JMJD7: variants seen among roughly 807,000 people sequenced by gnomAD.
The protein encoded by JMJD7 is jumonji domain containing 7.
Under a neutral mutation model 41.1 loss-of-function variants are expected in JMJD7, and 41 were observed. The observed-to-expected ratio is 1.00, with a 90% CI of 0.78 to 1.30. The LOEUF is 1.30. Among genes scored for constraint, JMJD7 ranks in the 50% most tolerant of loss-of-function variants. The pLI, the probability that JMJD7 is intolerant of heterozygous loss-of-function variation, is 0.00. For synonymous variants in JMJD7, 202 were observed against 177.2 expected (o/e 1.14, Z -1.11); for missense variants, 480 against 420.7 (o/e 1.14, Z -1.23).
At position 41,836,304 on chromosome 15, in the gene JMJD7, A is replaced by G. The variant is rs765953875; in HGVS notation, c.625+61A>G. ...CAGCTGGCCCAAGGGGGAGGGAGGC[A>G]GCAAGAGCCTGGGAGGCCAGTTCCC... On this transcript the variant is annotated intron_variant, in intron 5 of 7. Coordinates refer to ENST00000397299, the MANE Select transcript of JMJD7 (RefSeq NM_001114632.2). 3 of 1,602,954 alleles carry G rather than the reference A, an allele frequency of 1.9e-6. No individual in the cohort carries two copies. In the Admixed American group the frequency reaches 5.1e-5, roughly 27 times the overall value.
rs1329519351 is a variant in JMJD7 at position 41,835,036 on chromosome 15, A to C, written c.285A>C (p.Arg95Ser). 2 of 1,613,836 alleles carry C rather than the reference A, an allele frequency of 1.2e-6. No individual in the cohort carries two copies. The highest frequency in any genetic ancestry group is 3.3e-5 in the Admixed American group (2 of 60,008). ...CAGATGGTTACGCGGATGCCGTGAG[A>C]GGGGATCGCTTCATGATGCCAGCTG... The part of the protein sequence containing the change: ...VTPDGYADAV[R>S]GDRFMMPAER... The change falls in exon 3 of 8, where the codon AGA becomes AGC. Residue 95 changes from arginine (R) to serine (S), a missense_variant. Transcript: ENST00000397299.
chr15:41,828,193 G>A lies in JMJD7; in HGVS notation c.64+5G>A, dbSNP rs763946798. 3 of 1,504,412 alleles carry A rather than the reference G, an allele frequency of 2.0e-6. No individual in the cohort carries two copies. In the South Asian group the frequency reaches 4.1e-5, roughly 20 times the overall value. The allele number at this position is 1,504,412 out of a possible 1,614,324, so 93.2% of individuals were successfully genotyped here. ...AATTCCCGGCCGCTGCAAGGGGTGA[G>A]TGGCTCTCCCACAGGCTGCGGCGAT... On this transcript the variant is annotated splice_donor_5th_base_variant and intron_variant, in intron 1 of 7. Coordinates refer to ENST00000397299, the MANE Select transcript of JMJD7 (RefSeq NM_001114632.2).
intron 1 of JMJD7, among the ~76,000 whole-genome samples, chr15:41,833,389 AATACATATATAT>A (rs1287259406): frequency 1.7e-4 from 18 of 103,502 alleles, no homozygotes; most frequent in African/African-American, 6.6e-4. Context: ...ATGTAGGTGA[AATACATATATAT>A]ATATATATAT....
At position 41,834,741 on chromosome 15, in the gene JMJD7, G is replaced by T. The variant is rs146887953; in HGVS notation, c.66G>T (p.Glu22Asp). The change falls in exon 2 of 8, where the codon GAG (glutamate) becomes GAT (aspartate). Residue 22 changes from glutamate (E) to aspartate (D), a missense_variant and splice_region_variant. Transcript: ENST00000397299. ...ELREFPAAAR[E>D]LCVPLAVPYL... is the part of the protein sequence containing the mutation. ...CCCCTGTCTTCTTCTTTCTCTCAGA[G>T]CTCTGCGTGCCTCTTGCTGTGCCCT... 1,867 of 1,613,882 alleles carry T rather than the reference G, an allele frequency of 1.2e-3. No homozygotes were observed. The highest frequency in any genetic ancestry group is 2.0e-3 in the Middle Eastern group (12 of 6,060).
At chr15:41,833,659 A>G (rs913476737) in intron 1 of JMJD7, among the ~76,000 whole-genome samples, 5 of 151,744 alleles carry the variant, frequency 3.3e-5, no homozygotes, top group African/African-American at 7.2e-5. Flanking sequence ...GGCCTCAGCA[A>G]TCCTCCTGCC....
In JMJD7 at chr15:41,828,164, C is replaced by T. The variant is rs368766169; in HGVS notation, c.40C>T (p.Arg14Ter). 1.3e-6 allele frequency: 2 copies of T among 1,492,572 alleles called. No homozygotes were observed. The highest frequency in any genetic ancestry group is 1.5e-5 in the African/African-American group (1 of 67,482). The allele number at this position is 1,492,572 out of a possible 1,614,324, so 92.5% of individuals were successfully genotyped here. A position where few individuals can be genotyped will look rare whatever the true frequency, so the allele number is the denominator to read the frequency against. Reference sequence around the variant, plus strand: ...TTTGGAAGCCGTGCGGAGCGAGTTACGAGAATTCCCGGCCGCTGCAAGGGG... The same window carrying T: ...TTTGGAAGCCGTGCGGAGCGAGTTATGAGAATTCCCGGCCGCTGCAAGGGG... ...AALEAVRSEL[R>*]EFPAAARELC... The change falls in exon 1 of 8, where the codon CGA becomes TGA. Residue 14 changes from arginine (R) to a stop codon, truncating the protein, a stop_gained. Coordinates refer to ENST00000397299, the MANE Select transcript of JMJD7 (RefSeq NM_001114632.2). LOFTEE classifies it high-confidence loss of function.
chr15:41,833,410 ATATATTTTT>A lies in JMJD7; in HGVS notation c.65-1328_65-1320del, dbSNP rs1236918507. On this transcript the variant is annotated intron_variant, in intron 1 of 7. Coordinates refer to ENST00000397299, the MANE Select transcript of JMJD7 (RefSeq NM_001114632.2). Reference sequence around the variant, plus strand: ...GTGAAATACATATATATATATATATATATATTTTTTTTTTTTTTTTTTTTTTTTGAGATA... The same window carrying A: ...GTGAAATACATATATATATATATATATTTTTTTTTTTTTTTTTTTGAGATA... Among the ~76,000 whole-genome samples the A allele has an allele frequency of 7.6e-4, 30 of 39,726 alleles. No homozygotes were observed. The South Asian group carries it at 0.018, about 24-fold the overall frequency. 26.1% of individuals were successfully genotyped at this position (39,726 alleles called of 152,430 possible). A position where few individuals can be genotyped will look rare whatever the true frequency, so the allele number is the denominator to read the frequency against.
chr15:41,835,718 G>C (rs544037724), intron 4 of JMJD7, 74 bp downstream of exon 4: 9 of 1,541,614 alleles, frequency 5.8e-6, no homozygotes, highest in African/African-American at 2.7e-5. Flanking sequence ...GGCCAGGAGT[G>C]GAGGGATGGC....
intron 1 of JMJD7, chr15:41,829,436 G>A (rs1013039222): frequency 6.6e-6 from 1 of 152,216 alleles, no homozygotes; most frequent in Admixed American, 6.5e-5. Flanking sequence ...TCAGCACCTG[G>A]GAGTAGCTGA....
chr15:41,835,244 C>T (rs368638530), intron 3 of JMJD7, 21 bp downstream of exon 3: 183 of 1,590,794 alleles, frequency 1.2e-4, no homozygotes, highest in Non-Finnish European at 7.5e-5. Context: ...GTGGGGTGGT[C>T]GTGGCCCTGG....
chr15:41,835,146 G>A lies in JMJD7; in HGVS notation c.395G>A (p.Cys132Tyr). The A allele has an allele frequency of 1.2e-6, 2 of 1,607,802 alleles. No individual in the cohort carries two copies. Among genetic ancestry groups the A allele is most frequent in the African/African-American group, 1.3e-5 (1 of 75,054 alleles). Residue 132 changes from cysteine (C) to tyrosine (Y), a missense_variant, in exon 3 of 8, where the codon TGC becomes TAC. Cys to Tyr is a radical substitution (Grantham distance 194). Coordinates refer to ENST00000397299, the MANE Select transcript of JMJD7 (RefSeq NM_001114632.2). ...HPGVLYVQKQ[C>Y]SNLPSELPQL... ...GGAGTCCTCTATGTGCAGAAGCAGTGCTCCAACCTGCCCAGCGAGCTGCCC... is the reference window on the plus strand; with the variant it reads ...GGAGTCCTCTATGTGCAGAAGCAGTACTCCAACCTGCCCAGCGAGCTGCCC...
chr15:41,835,245 G>T lies in JMJD7; in HGVS notation c.472+22G>T, dbSNP rs2241523. On this transcript the variant is annotated intron_variant, in intron 3 of 7. Coordinates refer to ENST00000397299, the MANE Select transcript of JMJD7 (RefSeq NM_001114632.2). Reference sequence around the variant, plus strand: ...CTGGGTGAGTGGAGGTGGGGTGGTCGTGGCCCTGGACAGGGAAGATATGGG... The same window carrying T: ...CTGGGTGAGTGGAGGTGGGGTGGTCTTGGCCCTGGACAGGGAAGATATGGG... The T allele has an allele frequency of 1.2e-5, 19 of 1,588,436 alleles. No homozygotes were observed. The East Asian group carries it at 4.3e-4, about 36-fold the overall frequency.
Position 41,834,982 on chromosome 15 carries a change from C to T in JMJD7, c.231C>T (p.Gly77=). 6.2e-7 allele frequency: 1 copy of T among 1,614,134 alleles called. No individual in the cohort carries two copies. Among genetic ancestry groups the T allele is most frequent in the African/African-American group, 1.3e-5 (1 of 75,066 alleles). Residue 77 remains glycine, a synonymous_variant, in exon 3 of 8, where the codon GGC becomes GGT. Coordinates refer to ENST00000397299, the MANE Select transcript of JMJD7 (RefSeq NM_001114632.2). The part of the protein sequence containing the change: ...WSLPYFRATV[G]STEVSVAVTP... ...TCCATTCCTCTAGAGCCACAGTGGGCTCCACAGAGGTGAGTGTGGCCGTGA... is the reference window on the plus strand; with the variant it reads ...TCCATTCCTCTAGAGCCACAGTGGGTTCCACAGAGGTGAGTGTGGCCGTGA...
intron 1 of JMJD7, 88 bp downstream of exon 1, chr15:41,828,276 G>T: frequency 7.1e-7 from 1 of 1,408,888 alleles, no homozygotes; most frequent in Non-Finnish European, 9.2e-7. Context: ...GGAACCTCGT[G>T]TGTGCGACTG....
intron 1 of JMJD7, among the ~76,000 whole-genome samples, chr15:41,832,848 C>T (rs993694521): frequency 6.6e-6 from 1 of 152,220 alleles, no homozygotes; most frequent in Non-Finnish European, 1.5e-5. Flanking sequence ...CCACGGCCTT[C>T]TGGCTCGACC....
chr15:41,828,225 A>G (rs745326896), intron 1 of JMJD7, 37 bp downstream of exon 1: 1 of 1,492,926 alleles, frequency 6.7e-7, no homozygotes, highest in South Asian at 1.4e-5. Flanking sequence ...CGATTTCCGA[A>G]CACGGGAGGG....
At chr15:41,831,048 C>T (rs940487875) in intron 1 of JMJD7, among the ~76,000 whole-genome samples, 11 of 152,234 alleles carry the variant, frequency 7.2e-5, no homozygotes, top group African/African-American at 2.7e-4. Context: ...GCTGGGCTGC[C>T]GGTTCCATGG....
In JMJD7 at chr15:41,835,289, G is replaced by C. The variant is rs75995450; in HGVS notation, c.472+66G>C. ...ATATGGGAAGGAGGGGGGTCAGCCT[G>C]TTTGCCCTTAGGTGATGACCTGGCC... On this transcript the variant is annotated intron_variant, in intron 3 of 7. Coordinates refer to ENST00000397299, the MANE Select transcript of JMJD7 (RefSeq NM_001114632.2). 165 of 1,539,810 alleles carry C rather than the reference G, an allele frequency of 1.1e-4. No homozygotes were observed. The East Asian group carries it at 3.7e-3, about 34-fold the overall frequency.
chr15:41,836,255 G>A lies in JMJD7; in HGVS notation c.625+12G>A, dbSNP rs753053992. Reference sequence around the variant, plus strand: ...CTTCATCCCCTATGGTAGGGGATGTGGCCTGCAGGGAGGGGCTGGGGAACA... The same window carrying A: ...CTTCATCCCCTATGGTAGGGGATGTAGCCTGCAGGGAGGGGCTGGGGAACA... On this transcript the variant is annotated intron_variant, in intron 5 of 7. Coordinates refer to ENST00000397299, the MANE Select transcript of JMJD7 (RefSeq NM_001114632.2). The A allele has an allele frequency of 6.2e-7, 1 of 1,611,786 alleles. No homozygotes were observed.
Sources: gnomAD v4.1 joint callset for allele counts (sites outside exome capture counted in the v4.1 genomes callset) on GRCh38, gnomAD v4.1.1 for gene constraint, MANE v1.5 for transcripts, NCBI Gene and HGNC (gene_info 2026-07-23, HGNC 2026-07-21) for gene names.